Variants in CNOT10 observed in about 807,000 individuals in gnomAD.
CNOT10 encodes CCR4-NOT transcription complex, subunit 10.
Under a neutral mutation model 94.6 loss-of-function variants are expected in CNOT10, and 30 were observed. That is an observed-to-expected ratio of 0.32 (90% CI 0.24 to 0.43). The LOEUF (loss-of-function observed/expected upper bound fraction) is 0.43, where lower values mean the gene tolerates loss of function less well. Ranked by LOEUF, CNOT10 falls within the 20% of genes least tolerant of loss-of-function variation. CNOT10 has a pLI of 1.00. For synonymous variants in CNOT10, 289 were observed against 301.6 expected, an observed-to-expected ratio of 0.96 and a Z score of 0.43; for missense variants, 759 against 877.2, an observed-to-expected ratio of 0.87 and a Z score of 1.70.
chr3:32,738,907 TC>T lies in CNOT10; in HGVS notation c.1595+1418del, dbSNP rs1348508217. Among the ~76,000 whole-genome samples the T allele has an allele frequency of 2.8e-4, 42 of 151,592 alleles. 1 individual carries two copies. The highest frequency in any genetic ancestry group is 3.4e-3 in the Middle Eastern group (1 of 294). ...TCTGCAGTTATACCTCTATTTTCTTTCTTTTTTTTTTTTTTGAGTTGGAGTT... is the reference window on the plus strand; with the variant it reads ...TCTGCAGTTATACCTCTATTTTCTTTTTTTTTTTTTTTTTGAGTTGGAGTT... On this transcript the variant is annotated intron_variant, in intron 13 of 18. Coordinates refer to ENST00000328834, the MANE Select transcript of CNOT10 (RefSeq NM_015442.3).
chr3:32,740,087 G>A (rs143562138), intron 13 of CNOT10, among the ~76,000 whole-genome samples: 192 of 152,218 alleles, frequency 1.3e-3, no homozygotes, highest in African/African-American at 4.5e-3. Flanking sequence ...ACAGATCGAG[G>A]CTCTGTCTCT....
intron 7 of CNOT10, among the ~76,000 whole-genome samples, chr3:32,719,537 A>C (rs2125546535): frequency 6.6e-6 from 1 of 152,300 alleles, no homozygotes; most frequent in East Asian, 1.9e-4. Flanking sequence ...GTCCTCCACC[A>C]GGAGGATTCT....
chr3:32,687,545 G>A lies in CNOT10; in HGVS notation c.22+2063G>A, dbSNP rs574840498. ...CGGCTCATTGCAAGCTCCGCCTCCC[G>A]GGTTCACGCCATTCTCCTGCCTCAG... is the stretch of plus-strand genomic sequence containing the variant. On this transcript the variant is annotated intron_variant, in intron 1 of 18. Transcript: ENST00000328834. Among the ~76,000 whole-genome samples, 3 of 137,354 alleles carry A rather than the reference G, an allele frequency of 2.2e-5. No individual in the cohort carries two copies. In the South Asian group the frequency reaches 7.5e-4, roughly 34 times the overall value. 90.1% of individuals were successfully genotyped at this position (137,354 alleles called of 152,430 possible). A position where few individuals can be genotyped will look rare whatever the true frequency, so the allele number is the denominator to read the frequency against.
chr3:32,690,900 A>T (rs555400291), intron 1 of CNOT10, among the ~76,000 whole-genome samples: 2 of 152,040 alleles, frequency 1.3e-5, no homozygotes, highest in African/African-American at 4.8e-5. Flanking sequence ...CACCTAAAAA[A>T]TTTAAAAAAT....
chr3:32,688,913 ATAAAAT>A (rs1057395962), intron 1 of CNOT10, among the ~76,000 whole-genome samples: 1 of 152,056 alleles, frequency 6.6e-6, no homozygotes, highest in African/African-American at 2.4e-5. Context: ...TCTCAAAAAA[ATAAAAT>A]AAAAGGCCGG....
In CNOT10 at chr3:32,762,852, A is replaced by G. The variant is rs756357891; in HGVS notation, c.1829A>G (p.Glu610Gly). The G allele has an allele frequency of 6.5e-7, 1 of 1,549,662 alleles. No homozygotes were observed. Among genetic ancestry groups the G allele is most frequent in the Non-Finnish European group, 8.6e-7 (1 of 1,159,282 alleles). The change falls in exon 15 of 19, where the codon GAG becomes GGG. Residue 610 changes from glutamate (E) to glycine (G), a missense_variant. Glu to Gly is a moderately conservative substitution (Grantham distance 98). Transcript: ENST00000328834. ...GTCTCCTTAGGGATCTCTTCAAATGAGCAGGACCAAGGTTAATGAGGACAT... is the reference window on the plus strand; with the variant it reads ...GTCTCCTTAGGGATCTCTTCAAATGGGCAGGACCAAGGTTAATGAGGACAT... ...TDVSLGISSNEQDQGSDKGEN... is the reference protein window; with the variant it reads ...TDVSLGISSNGQDQGSDKGEN...
At chr3:32,772,649 A>G (rs981294432) in intron 18 of CNOT10, among the ~76,000 whole-genome samples, 3 of 152,248 alleles carry the variant, frequency 2.0e-5, no homozygotes, top group East Asian at 1.9e-4. Flanking sequence ...GTGAGCCGTA[A>G]TCGCCCCACT....
intron 10 of CNOT10, chr3:32,730,503 A>G (rs1407395622): frequency 6.6e-6 from 1 of 152,196 alleles, no homozygotes; most frequent in Non-Finnish European, 1.5e-5. Flanking sequence ...TGCCACCAGT[A>G]ATATCTTTGT....
intron 1 of CNOT10, among the ~76,000 whole-genome samples, chr3:32,700,545 G>T (rs531952798): frequency 6.6e-6 from 1 of 152,174 alleles, no homozygotes; most frequent in African/African-American, 2.4e-5. Context: ...CATATCAGGG[G>T]TTTACTCTGC....
At chr3:32,712,514 A>G (rs930640596) in intron 4 of CNOT10, among the ~76,000 whole-genome samples, 7 of 152,144 alleles carry the variant, frequency 4.6e-5, no homozygotes, top group African/African-American at 1.7e-4. Flanking sequence ...AAATGCTACC[A>G]TGAGCATTTT....
chr3:32,770,621 G>A (rs761655948), intron 18 of CNOT10, among the ~76,000 whole-genome samples: 14 of 151,794 alleles, frequency 9.2e-5, no homozygotes, highest in South Asian at 2.1e-4. Flanking sequence ...CACCGCACCC[G>A]GCAAGGCTGA....
intron 13 of CNOT10, among the ~76,000 whole-genome samples, chr3:32,746,556 G>A (rs552349537): frequency 6.6e-6 from 1 of 152,196 alleles, no homozygotes; most frequent in African/African-American, 2.4e-5. Flanking sequence ...ATGCACTCCT[G>A]CCGGGTGCAG....
chr3:32,773,850 G>T lies in CNOT10; in HGVS notation c.*239G>T. 1 of 401,148 alleles carries T rather than the reference G, an allele frequency of 2.5e-6. No homozygotes were observed. The highest frequency in any genetic ancestry group is 4.3e-5 in the Admixed American group (1 of 23,106). The allele number at this position is 401,148 out of a possible 1,614,324, so 24.8% of individuals were successfully genotyped here. ...AGCCATTATGTAATATATGCCATAGGCAATTAAAACATAATTTTATCAGAA... is the reference window on the plus strand; with the variant it reads ...AGCCATTATGTAATATATGCCATAGTCAATTAAAACATAATTTTATCAGAA... On this transcript the variant is annotated 3_prime_UTR_variant, in exon 19 of 19. Coordinates refer to ENST00000328834, the MANE Select transcript of CNOT10 (RefSeq NM_015442.3).
At chr3:32,700,527 T>C (rs949239837) in intron 1 of CNOT10, among the ~76,000 whole-genome samples, 1 of 152,222 alleles carries the variant, frequency 6.6e-6, no homozygotes, top group African/African-American at 2.4e-5. Flanking sequence ...ATCTGCACTA[T>C]TGTGCTACAT....
chr3:32,688,551 C>A (rs960381481), intron 1 of CNOT10, among the ~76,000 whole-genome samples: 1 of 151,772 alleles, frequency 6.6e-6, no homozygotes, highest in African/African-American at 2.4e-5. Context: ...AACCCGAGAT[C>A]GCACCACTGC....
At chr3:32,710,176 T>A (rs1697819916) in intron 4 of CNOT10, among the ~76,000 whole-genome samples, 2 of 150,668 alleles carry the variant, frequency 1.3e-5, no homozygotes, top group African/African-American at 4.8e-5. Flanking sequence ...AAAAGAGAAT[T>A]TCCTGAATTC....
Position 32,695,015 on chromosome 3 carries a change from G to A in CNOT10, c.23-8853G>A, listed in dbSNP as rs543919618. On this transcript the variant is annotated intron_variant, in intron 1 of 18. Coordinates refer to ENST00000328834, the MANE Select transcript of CNOT10 (RefSeq NM_015442.3). Reference sequence around the variant, plus strand: ...GCTGGGATTACAAGCCTGAGCCACCGTGCTGGCCATGCTGATATTATTGAT... The same window carrying A: ...GCTGGGATTACAAGCCTGAGCCACCATGCTGGCCATGCTGATATTATTGAT... Among the ~76,000 whole-genome samples, 248 of 152,234 alleles carry A rather than the reference G, an allele frequency of 1.6e-3. 1 individual carries two copies. The highest frequency in any genetic ancestry group is 5.8e-3 in the African/African-American group (240 of 41,548).
intron 15 of CNOT10, 104 bp from the exon 16 acceptor site, chr3:32,764,346 AAAAAG>A (rs1294968334): frequency 6.5e-5 from 79 of 1,213,392 alleles, no homozygotes; most frequent in Non-Finnish European, 7.7e-5. Context: ...CAAAAAAAAA[AAAAAG>A]AAAAGAAAAG....
chr3:32,751,649 T>C (rs1458003482), intron 13 of CNOT10, among the ~76,000 whole-genome samples: 1 of 152,236 alleles, frequency 6.6e-6, no homozygotes, highest in African/African-American at 2.4e-5. Flanking sequence ...GTTGATAACA[T>C]AAATATTATA....
Sources: gnomAD v4.1 joint callset for allele counts (sites outside exome capture counted in the v4.1 genomes callset) on GRCh38, gnomAD v4.1.1 for gene constraint, MANE v1.5 for transcripts, NCBI Gene and HGNC (gene_info 2026-07-23, HGNC 2026-07-21) for gene names.